The following B9D1 variants were observed in gnomAD, a reference collection of about 807,000 sequenced individuals.
B9D1 encodes B9 domain containing 1, also known as B9 domain-containing protein 1.
A neutral mutation model predicts 26.1 loss-of-function variants in B9D1; 20 were observed. That is an observed-to-expected ratio of 0.77 (90% CI 0.54 to 1.12). The LOEUF (loss-of-function observed/expected upper bound fraction) is 1.12, where lower values mean the gene tolerates loss of function less well. Ranked by LOEUF, B9D1 falls within the 50% of genes most tolerant of loss-of-function variation. B9D1 has a pLI of 0.00. For synonymous variants in B9D1, 105 were observed against 103.1 expected, an observed-to-expected ratio of 1.02 and a Z score of -0.11; for missense variants, 260 against 273.7, an observed-to-expected ratio of 0.95 and a Z score of 0.35.
chr17:19,377,438 G>A (rs1216947347), intron 1 of B9D1, among the ~76,000 whole-genome samples: 2 of 152,204 alleles, frequency 1.3e-5, no homozygotes, highest in Non-Finnish European at 1.5e-5. Context: ...ATGATCTTCA[G>A]GAAAAGAGCA....
intron 1 of B9D1, among the ~76,000 whole-genome samples, chr17:19,361,491 G>T (rs1911059058): frequency 6.6e-6 from 1 of 152,010 alleles, no homozygotes; most frequent in Non-Finnish European, 1.5e-5. Flanking sequence ...GACTGTCAGT[G>T]TGTGTGTGGC....
chr17:19,362,876 A>C (rs1911327724), upstream of B9D1: 1 of 542,438 alleles, frequency 1.8e-6, no homozygotes, highest in Non-Finnish European at 3.2e-6. Context: ...CGCTCGACTC[A>C]GTTGCACGCG....
chr17:19,362,587 CG>C lies in B9D1; in HGVS notation c.-19del, dbSNP rs1260627334. 1.2e-5 allele frequency: 19 copies of C among 1,586,136 alleles called. No homozygotes were observed. Among genetic ancestry groups the C allele is most frequent in the Admixed American group, 7.1e-5 (4 of 56,662 alleles). ...GTCGCCATGGCAGGTCTGGGGGTGC[CG>C]GGGGGACCCACCTAGGCCGCGCGCG... is the stretch of plus-strand genomic sequence containing the variant. On this transcript the variant is annotated 5_prime_UTR_variant, in exon 1 of 7. Coordinates refer to ENST00000261499, the MANE Select transcript of B9D1 (RefSeq NM_015681.6).
rs1349308754 is a variant in B9D1, at chr17:19,357,757, T to TGGGCTGGATGAGGCAG, written c.244+67_244+82dup. ...GTGACAATCTGAATGTGAACAGTCATGGGCTGGATGAGGCAGAGGCTGTCT... is the reference window on the plus strand; with the variant it reads ...GTGACAATCTGAATGTGAACAGTCATGGGCTGGATGAGGCAGGGGCTGGATGAGGCAGAGGCTGTCT... On this transcript the variant is annotated intron_variant, in intron 3 of 6. Coordinates refer to ENST00000261499, the MANE Select transcript of B9D1 (RefSeq NM_015681.6). The TGGGCTGGATGAGGCAG allele has an allele frequency of 4.5e-5, 44 of 987,020 alleles. No homozygotes were observed. The African/African-American group carries it at 6.8e-4, about 15-fold the overall frequency. 61.1% of individuals were successfully genotyped at this position (987,020 alleles called of 1,614,324 possible).
intron 3 of B9D1, among the ~76,000 whole-genome samples, chr17:19,355,691 G>A (rs1311120410): frequency 2.6e-5 from 4 of 151,942 alleles, no homozygotes; most frequent in Non-Finnish European, 4.4e-5. Context: ...AAAATTAGCC[G>A]GGCACGGTGG....
chr17:19,362,842 C>G (rs888998198), upstream of B9D1: 4 of 861,620 alleles, frequency 4.6e-6, no homozygotes, highest in Non-Finnish European at 7.0e-6. Flanking sequence ...GGAGCGTTGA[C>G]CTGTCGGGTA....
At chr17:19,340,033 A>AACCCC (rs1907774483), downstream of B9D1, among the ~76,000 whole-genome samples, 3 of 110,590 alleles carry the variant, frequency 2.7e-5, no homozygotes, top group African/African-American at 6.9e-5. Flanking sequence ...CACATGCCCA[A>AACCCC]CCCCCCCCCC....
At chr17:19,357,414 T>A (rs149742703) in intron 3 of B9D1, among the ~76,000 whole-genome samples, 119 of 152,272 alleles carry the variant, frequency 7.8e-4, no homozygotes, top group African/African-American at 2.6e-3. Flanking sequence ...TGGATCGGCA[T>A]GAATAAAGCT....
At chr17:19,346,015 C>A (rs1487845193) in intron 5 of B9D1, among the ~76,000 whole-genome samples, 1 of 152,272 alleles carries the variant, frequency 6.6e-6, no homozygotes, top group Non-Finnish European at 1.5e-5. Flanking sequence ...CCTCAGCGAG[C>A]TGTCCCCTGG....
intron 3 of B9D1, among the ~76,000 whole-genome samples, chr17:19,348,254 T>C (rs1333703213): frequency 6.6e-6 from 1 of 152,114 alleles, no homozygotes; most frequent in Non-Finnish European, 1.5e-5. Flanking sequence ...CCCTTCCTGA[T>C]GGAGGCGGGC....
chr17:19,337,707 T>C, downstream of B9D1: 1 of 1,534,032 alleles, frequency 6.5e-7, no homozygotes, highest in Non-Finnish European at 8.7e-7. Context: ...GCCGCTTTCA[T>C]CTTGAAACAC....
At chr17:19,348,999 G>C (rs1352051408) in intron 3 of B9D1, among the ~76,000 whole-genome samples, 1 of 152,204 alleles carries the variant, frequency 6.6e-6, no homozygotes, top group South Asian at 2.1e-4. Context: ...CTCGGTACTC[G>C]CGTGCACACA....
intron 3 of B9D1, among the ~76,000 whole-genome samples, chr17:19,350,417 G>A (rs1253223560): frequency 6.6e-6 from 1 of 151,950 alleles, no homozygotes; most frequent in African/African-American, 2.4e-5. Flanking sequence ...GTGGTCGCAT[G>A]TGCCTGTAGT....
At position 19,362,677 on chromosome 17, in the gene B9D1, G is replaced by C. The variant is rs199908550; in HGVS notation, c.-108C>G. On this transcript the variant is annotated 5_prime_UTR_variant, in exon 1 of 7. Coordinates refer to ENST00000261499, the MANE Select transcript of B9D1 (RefSeq NM_015681.6). ...GCGTAGCGCGCAGGACACGTTTCTT[G>C]GCAGCGACACCTTCGCGAAGGCCAC... is the stretch of plus-strand genomic sequence containing the variant. 6.5e-7 allele frequency: 1 copy of C among 1,544,248 alleles called. No homozygotes were observed. The highest frequency in any genetic ancestry group is 2.0e-5 in the Admixed American group (1 of 50,976).
rs191877082 is a variant in B9D1 at position 19,372,993 on chromosome 17, C to A, written c.-298+4866G>T. On this transcript the variant is annotated intron_variant, in intron 1 of 5. Coordinates refer to the B9D1 transcript ENST00000477478. This position sits in a 1 kb window ranked among gnomAD's most constrained non-coding sequence, Gnocchi z 4.4. ...TGTGGGGAAATGGCCCTCATCCATA[C>A]GTGGTCTGAGGAGTTTGGCTGAGCC... 6.6e-6 allele frequency among the ~76,000 whole-genome samples: 1 copy of A among 152,286 alleles called. No homozygotes were observed. The highest frequency in any genetic ancestry group is 1.9e-4 in the East Asian group (1 of 5,186).
intron 5 of B9D1, among the ~76,000 whole-genome samples, chr17:19,346,137 C>T (rs1800106159): frequency 6.6e-6 from 1 of 152,260 alleles, no homozygotes; most frequent in Admixed American, 6.5e-5. Context: ...CTGATGGGCA[C>T]TGCCTCGCTG....
At chr17:19,346,152 CCT>C (rs945196706) in intron 5 of B9D1, among the ~76,000 whole-genome samples, 3 of 152,244 alleles carry the variant, frequency 2.0e-5, no homozygotes, top group Non-Finnish European at 4.4e-5. Context: ...TCGCTGCCTC[CCT>C]GACAGCCTGT....
At chr17:19,353,047 C>T (rs1249135681) in intron 3 of B9D1, among the ~76,000 whole-genome samples, 2 of 151,712 alleles carry the variant, frequency 1.3e-5, no homozygotes, top group Non-Finnish European at 2.9e-5. Context: ...GCGATCTCAG[C>T]TCACTGCTAT....
intron 5 of B9D1, among the ~76,000 whole-genome samples, chr17:19,345,500 C>T (rs765635479): frequency 3.3e-5 from 5 of 152,134 alleles, no homozygotes; most frequent in African/African-American, 7.2e-5. Context: ...TATGATTAGG[C>T]TAAGGATCTT....
Sources: gnomAD v4.1 joint callset for allele counts (sites outside exome capture counted in the v4.1 genomes callset) on GRCh38, gnomAD v4.1.1 for gene constraint, Gnocchi (gnomAD v3.1) non-coding constraint, MANE v1.5 for transcripts, NCBI Gene and HGNC (gene_info 2026-07-23, HGNC 2026-07-21) for gene names.